Variants in DNAL1 observed in about 807,000 individuals in gnomAD.
The protein encoded by DNAL1 is chromosome 14 open reading frame 168.
DNAL1 carries 17 observed loss-of-function variants against 29.4 expected under a neutral mutation model. The ratio of observed to expected loss-of-function variants is 0.58; its 90% CI spans 0.40 to 0.87. The LOEUF (loss-of-function observed/expected upper bound fraction) is 0.87, where lower values mean the gene tolerates loss of function less well. Ranked by LOEUF, DNAL1 falls within the 40% of genes least tolerant of loss-of-function variation. The pLI is 0.00. For missense variants in DNAL1, 188 were observed against 214.1 expected (o/e 0.88, Z 0.76); for synonymous variants, 78 against 76.3 (o/e 1.02, Z -0.12).
chr14:73,695,159 G>C (rs1320174329), intron 7 of DNAL1, among the ~76,000 whole-genome samples: 2 of 145,004 alleles, frequency 1.4e-5, no homozygotes, highest in African/African-American at 5.2e-5. Context: ...AGGCTCAAGT[G>C]ATCCTCCCAC....
chr14:73,676,167 G>A (rs189719916), intron 5 of DNAL1, among the ~76,000 whole-genome samples: 37 of 150,900 alleles, frequency 2.5e-4, no homozygotes, highest in African/African-American at 7.1e-4. Flanking sequence ...CTGGGAGGCC[G>A]AGTTTGCAGT....
chr14:73,687,118 C>T, intron 5 of DNAL1, 141 bp from the exon 6 acceptor site: 1 of 962,768 alleles, frequency 1.0e-6, no homozygotes, highest in East Asian at 2.8e-5. Flanking sequence ...AAAAAAACCT[C>T]CCACACAACT....
chr14:73,695,048 C>CT (rs71112798), intron 7 of DNAL1, among the ~76,000 whole-genome samples: 4,042 of 60,852 alleles, frequency 0.066, 591 homozygotes, highest in African/African-American at 0.13. Flanking sequence ...TACTTGTTGG[C>CT]TTTTTTTTTT....
chr14:73,667,858 C>G (rs1891525213), intron 4 of DNAL1, among the ~76,000 whole-genome samples: 2 of 152,206 alleles, frequency 1.3e-5, no homozygotes, highest in South Asian at 4.1e-4. Flanking sequence ...GGCCAAACCT[C>G]TTGGCAATTT....
At chr14:73,672,049 A>G (rs1407599147) in intron 5 of DNAL1, among the ~76,000 whole-genome samples, 3 of 152,154 alleles carry the variant, frequency 2.0e-5, no homozygotes, top group Non-Finnish European at 2.9e-5. Flanking sequence ...CCCTCCCAAT[A>G]AATCTAGCTT....
At chr14:73,672,252 C>T (rs1891630911) in intron 5 of DNAL1, among the ~76,000 whole-genome samples, 1 of 152,120 alleles carries the variant, frequency 6.6e-6, no homozygotes, top group Non-Finnish European at 1.5e-5. Flanking sequence ...ATATTTCCAC[C>T]TCTGTGATTC....
At chr14:73,691,416 G>A (rs775015325) in intron 7 of DNAL1, among the ~76,000 whole-genome samples, 5 of 151,924 alleles carry the variant, frequency 3.3e-5, no homozygotes, top group Non-Finnish European at 7.4e-5. Flanking sequence ...GGACCTGGTG[G>A]TGGGTGCCTG....
At chr14:73,695,860 T>A (rs750604937) in intron 7 of DNAL1, 42 bp from the exon 8 acceptor site, 3 of 1,511,960 alleles carry the variant, frequency 2.0e-6, no homozygotes, top group Non-Finnish European at 2.7e-6. Flanking sequence ...ATTTTAGCAA[T>A]TTTTTGAGAA....
At chr14:73,646,946 A>T (rs1365759596) in intron 1 of DNAL1, among the ~76,000 whole-genome samples, 2 of 152,184 alleles carry the variant, frequency 1.3e-5, no homozygotes, top group Non-Finnish European at 2.9e-5. Context: ...TAGTATTTCA[A>T]TTTAAAAAAA....
At chr14:73,688,322 A>G (rs1188204675) in intron 6 of DNAL1, among the ~76,000 whole-genome samples, 1 of 152,226 alleles carries the variant, frequency 6.6e-6, no homozygotes, top group Non-Finnish European at 1.5e-5. Context: ...AAACTGTGTG[A>G]TAAGAGGCCA....
intron 5 of DNAL1, among the ~76,000 whole-genome samples, chr14:73,676,783 G>C (rs559799845): frequency 6.6e-6 from 1 of 151,588 alleles, no homozygotes; most frequent in Non-Finnish European, 1.5e-5. Context: ...AGTTATTTGC[G>C]TATTTACATG....
intron 2 of DNAL1, among the ~76,000 whole-genome samples, chr14:73,656,500 CAT>C (rs1891218171): frequency 6.7e-6 from 1 of 149,468 alleles, no homozygotes; most frequent in Admixed American, 6.7e-5. Context: ...GTGGCACAAT[CAT>C]AGCTCACTGC....
chr14:73,686,635 G>A (rs1892024604), intron 5 of DNAL1, among the ~76,000 whole-genome samples: 5 of 152,310 alleles, frequency 3.3e-5, no homozygotes, highest in Middle Eastern at 6.8e-3. Context: ...GAGCCCGGGG[G>A]AGGTTGAGGC....
Position 73,690,014 on chromosome 14 carries a change from C to CA in DNAL1, c.532+505dup, listed in dbSNP as rs1892129784. 3.6e-5 allele frequency among the ~76,000 whole-genome samples: 3 copies of CA among 84,100 alleles called. No individual in the cohort carries two copies. The South Asian group carries it at 1.1e-3, about 31-fold the overall frequency. 55.2% of individuals were successfully genotyped at this position (84,100 alleles called of 152,430 possible). On this transcript the variant is annotated intron_variant, in intron 7 of 7. Transcript: ENST00000553645. ...TTGTGCCATTGCACTCCAGCCTGGG[C>CA]AAAAAAGAGTGAAATTCCGTCTCAA...
At chr14:73,668,781 A>G (rs1891546134) in intron 4 of DNAL1, among the ~76,000 whole-genome samples, 1 of 152,118 alleles carries the variant, frequency 6.6e-6, no homozygotes, top group South Asian at 2.1e-4. Context: ...GGTTCAAGCA[A>G]TTCTCCTGCC....
chr14:73,689,328 G>A lies in DNAL1; in HGVS notation c.392-47G>A, dbSNP rs114223887. Reference sequence around the variant, plus strand: ...ATTACAGGCGTGGACCACCGCACCCGGCCAAAACTTAGTGTTTTAATATGG... The same window carrying A: ...ATTACAGGCGTGGACCACCGCACCCAGCCAAAACTTAGTGTTTTAATATGG... On this transcript the variant is annotated intron_variant, in intron 6 of 7. Coordinates refer to ENST00000553645, the MANE Select transcript of DNAL1 (RefSeq NM_031427.4). 79,539 of 1,547,294 alleles carry A rather than the reference G, an allele frequency of 0.051. 2,243 individuals carry two copies. Among genetic ancestry groups the A allele is most frequent in the Middle Eastern group, 0.065 (390 of 5,970 alleles).
chr14:73,659,492 A>G (rs750950601), intron 3 of DNAL1: 1 of 152,134 alleles, frequency 6.6e-6, no homozygotes, highest in Non-Finnish European at 1.5e-5. Context: ...TACAGTTTTT[A>G]TAATGAGTTT....
intron 1 of DNAL1, among the ~76,000 whole-genome samples, 163 bp downstream of exon 1, chr14:73,645,205 T>A (rs1320319711): frequency 6.6e-6 from 1 of 152,064 alleles, no homozygotes; most frequent in African/African-American, 2.4e-5. Context: ...AGAGAAGCCC[T>A]GGCCGGGGGT....
chr14:73,687,914 C>T (rs1002196185), intron 6 of DNAL1, among the ~76,000 whole-genome samples: 3 of 152,006 alleles, frequency 2.0e-5, no homozygotes, highest in Non-Finnish European at 4.4e-5. Context: ...GCACAGCATA[C>T]CAACATGGCA....
Sources: allele counts gnomAD v4.1 joint callset (sites outside exome capture counted in the v4.1 genomes callset), GRCh38; gene constraint gnomAD v4.1.1; transcripts MANE v1.5; gene names NCBI Gene and HGNC (gene_info 2026-07-23, HGNC 2026-07-21).